TOX2: variants seen among roughly 807,000 people sequenced by gnomAD.
TOX2 encodes granulosa cell HMG box 1.
In TOX2, 15 loss-of-function variants were observed where a neutral mutation model predicts 47.4. The ratio of observed to expected loss-of-function variants is 0.32; its 90% confidence interval spans 0.21 to 0.49. The LOEUF is 0.49. Among genes scored for constraint, TOX2 ranks in the 20% least tolerant of loss-of-function variants. The pLI, the probability that TOX2 is intolerant of heterozygous loss-of-function variation, is 0.99. For synonymous variants in TOX2, 290 were observed against 296.6 expected, an observed-to-expected ratio of 0.98 and a Z score of 0.23; for missense variants, 622 against 673.1, an observed-to-expected ratio of 0.92 and a Z score of 0.84.
chr20:43,999,921 C>T (rs942086541), intron 2 of TOX2, among the ~76,000 whole-genome samples: 4 of 152,138 alleles, frequency 2.6e-5, no homozygotes, highest in African/African-American at 9.7e-5. Context: ...ACATCTATGG[C>T]CAGTTGATTT....
intron 1 of TOX2, chr20:43,945,714 T>C: frequency 2.9e-6 from 2 of 692,594 alleles, no homozygotes; most frequent in South Asian, 1.9e-5. Flanking sequence ...CACCAGGAGC[T>C]CCGAACACGC....
chr20:44,040,863 G>A (rs764319749), intron 3 of TOX2, among the ~76,000 whole-genome samples: 2 of 152,106 alleles, frequency 1.3e-5, no homozygotes, highest in Non-Finnish European at 2.9e-5. Flanking sequence ...AGGAAAGTTG[G>A]GGCAGAAGTT....
intron 1 of TOX2, among the ~76,000 whole-genome samples, chr20:43,946,493 G>A (rs1456026901): frequency 6.6e-6 from 1 of 152,198 alleles, no homozygotes; most frequent in Non-Finnish European, 1.5e-5. Context: ...GTGAGAAGCA[G>A]CTGAGGACGT....
intron 3 of TOX2, among the ~76,000 whole-genome samples, chr20:44,045,404 G>A (rs1213117948): frequency 2.0e-5 from 3 of 152,186 alleles, no homozygotes; most frequent in Non-Finnish European, 4.4e-5. Context: ...GGTAACCCCA[G>A]AGGTCTGCTG....
rs2069047040 is a variant in TOX2 at position 43,915,614 on chromosome 20, G to C, written c.99+624G>C. On this transcript the variant is annotated intron_variant, in intron 1 of 8. Coordinates refer to ENST00000341197, the MANE Select transcript of TOX2 (RefSeq NM_001098797.2). This position sits in a 1 kb window ranked among gnomAD's most constrained non-coding sequence, Gnocchi z 7.1. ...TCCTGACGGCCACACAGTCACACGC[G>C]GTCACACCCAGGGACGGCCACACCT... Among the ~76,000 whole-genome samples, 1 of 152,154 alleles carries C rather than the reference G, an allele frequency of 6.6e-6. No individual in the cohort carries two copies. The highest frequency in any genetic ancestry group is 2.4e-5 in the African/African-American group (1 of 41,444).
At chr20:43,954,086 C>G (rs2069626472) in intron 1 of TOX2, among the ~76,000 whole-genome samples, 2 of 152,206 alleles carry the variant, frequency 1.3e-5, no homozygotes, top group Non-Finnish European at 1.5e-5. Flanking sequence ...GGCTTCCCAT[C>G]TGGGATGAAA....
chr20:44,041,504 C>T (rs915676615), intron 3 of TOX2, among the ~76,000 whole-genome samples: 3 of 152,084 alleles, frequency 2.0e-5, no homozygotes. Context: ...CATGTTTTTG[C>T]TGGTTTTTAT....
intron 5 of TOX2, among the ~76,000 whole-genome samples, chr20:44,062,985 C>A (rs755921115): frequency 3.1e-4 from 47 of 152,140 alleles, no homozygotes; most frequent in Non-Finnish European, 5.0e-4. Context: ...ATACAAAAAT[C>A]AACTCAAAAT....
intron 2 of TOX2, among the ~76,000 whole-genome samples, chr20:43,991,106 T>G (rs549192709): frequency 5.9e-5 from 9 of 152,224 alleles, no homozygotes; most frequent in African/African-American, 1.9e-4. Context: ...CTTTTTACAG[T>G]TGGTGTAACT....
intron 2 of TOX2, among the ~76,000 whole-genome samples, chr20:43,974,662 A>G (rs2070042291): frequency 6.6e-6 from 1 of 152,236 alleles, no homozygotes; most frequent in East Asian, 1.9e-4. Flanking sequence ...GGGGCAATAG[A>G]AGCCTATTAA....
chr20:44,016,521 C>T (rs999832619), intron 3 of TOX2, among the ~76,000 whole-genome samples: 4 of 152,138 alleles, frequency 2.6e-5, no homozygotes, highest in Non-Finnish European at 5.9e-5. Flanking sequence ...GGATGATTCT[C>T]TGTTATTGGG....
At chr20:43,957,739 G>T (rs2069692029) in intron 1 of TOX2, among the ~76,000 whole-genome samples, 1 of 152,120 alleles carries the variant, frequency 6.6e-6, no homozygotes, top group Non-Finnish European at 1.5e-5. Flanking sequence ...TTATGAAGAG[G>T]TTTATTTGGC....
At chr20:43,967,654 A>G (rs946669960) in intron 1 of TOX2, among the ~76,000 whole-genome samples, 5 of 152,028 alleles carry the variant, frequency 3.3e-5, no homozygotes, top group African/African-American at 7.2e-5. Context: ...CATCCCATCC[A>G]TACATCCCAA....
At chr20:44,039,506 C>A (rs1214970528) in intron 3 of TOX2, among the ~76,000 whole-genome samples, 1 of 152,178 alleles carries the variant, frequency 6.6e-6, no homozygotes, top group Non-Finnish European at 1.5e-5. Flanking sequence ...GAGGCTGGGA[C>A]TAGAGCTGCA....
At chr20:44,024,151 T>A (rs1481653287) in intron 3 of TOX2, among the ~76,000 whole-genome samples, 5 of 152,240 alleles carry the variant, frequency 3.3e-5, no homozygotes, top group African/African-American at 1.2e-4. Flanking sequence ...TACATTGAGC[T>A]CTATACGGTT....
At chr20:43,951,707 G>GTTTTTTTTTTTTTTTTTTGTTTTTT (rs2069572520) in intron 1 of TOX2, among the ~76,000 whole-genome samples, 1 of 55,096 alleles carries the variant, frequency 1.8e-5, no homozygotes, top group Non-Finnish European at 3.9e-5. Flanking sequence ...AACTTATTAT[G>GTTTTTTTTTTTTTTTTTTGTTTTTT]TTTTTTTTTT....
intron 1 of TOX2, among the ~76,000 whole-genome samples, chr20:43,936,386 G>T (rs1600661895): frequency 6.6e-6 from 1 of 152,238 alleles, no homozygotes; most frequent in African/African-American, 2.4e-5. Context: ...TTGCTTCACA[G>T]TAAGCCACCA....
intron 1 of TOX2, among the ~76,000 whole-genome samples, chr20:43,950,626 T>C (rs535124413): frequency 5.3e-5 from 8 of 152,060 alleles, no homozygotes; most frequent in African/African-American, 1.7e-4. Context: ...CTTGGCTCAC[T>C]CCCTCACCTC....
chr20:44,024,767 T>A (rs1010997853), intron 3 of TOX2, among the ~76,000 whole-genome samples: 3 of 152,058 alleles, frequency 2.0e-5, no homozygotes, highest in Admixed American at 6.6e-5. Flanking sequence ...TCTTTGTGCA[T>A]TATACACAAA....
Sources: allele counts gnomAD v4.1 joint callset (sites outside exome capture counted in the v4.1 genomes callset), GRCh38; gene constraint gnomAD v4.1.1; non-coding constraint Gnocchi (gnomAD v3.1); transcripts MANE v1.5; gene names NCBI Gene and HGNC (gene_info 2026-07-23, HGNC 2026-07-21).